Variants in MMADHC observed in about 807,000 individuals in gnomAD.
The protein encoded by MMADHC is metabolism of cobalamin associated D, also known as cobalamin trafficking protein CblD.
A neutral mutation model predicts 36.3 loss-of-function variants in MMADHC; 23 were observed. The ratio of observed to expected loss-of-function variants is 0.63; its 90% CI spans 0.46 to 0.90. The LOEUF (loss-of-function observed/expected upper bound fraction) is 0.90. MMADHC is among the 40% of genes least tolerant of loss of function. The pLI, the probability that MMADHC is intolerant of heterozygous loss-of-function variation, is 0.00. For missense variants in MMADHC, 330 were observed against 348.0 expected (o/e 0.95, Z 0.41); for synonymous variants, 97 against 116.1 (o/e 0.84, Z 1.06).
In MMADHC at chr2:149,576,491, C is replaced by T; in HGVS notation, c.424G>A (p.Glu142Lys). The change falls in exon 5 of 8, where the codon GAA becomes AAA. Residue 142 changes from glutamate to lysine, a missense_variant. Transcript: ENST00000303319. ...QEINSAETYFESARVECAIQT... is the reference protein window; with the variant it reads ...QEINSAETYFKSARVECAIQT... Reference sequence around the variant, plus strand: ...ATTGCACACTCTACTCTGGCACTTTCAAAGTAAGTTTCTGCACTGTTAATT... The same window carrying T: ...ATTGCACACTCTACTCTGGCACTTTTAAAGTAAGTTTCTGCACTGTTAATT... The T allele has an allele frequency of 1.2e-6, 2 of 1,613,760 alleles. No homozygotes were observed. Among genetic ancestry groups the T allele is most frequent in the Non-Finnish European group, 1.7e-6 (2 of 1,179,740 alleles).
intron 2 of MMADHC, 110 bp downstream of exon 2, chr2:149,586,979 T>C (rs1019301805): frequency 9.7e-6 from 11 of 1,130,918 alleles, no homozygotes; most frequent in Non-Finnish European, 1.5e-5. Context: ...TTTTGATACA[T>C]TATATCTAAC....
At chr2:149,580,596 T>C (rs1457349092) in intron 3 of MMADHC, among the ~76,000 whole-genome samples, 1 of 152,206 alleles carries the variant, frequency 6.6e-6, no homozygotes, top group Admixed American at 6.5e-5. Context: ...CTGCTATGCA[T>C]ATTACTTAGC....
intron 2 of MMADHC, among the ~76,000 whole-genome samples, chr2:149,586,124 T>A: frequency 6.6e-6 from 1 of 152,202 alleles, no homozygotes; most frequent in Non-Finnish European, 1.5e-5. Flanking sequence ...TAATATACCA[T>A]GTTCAATTAC....
At chr2:149,586,395 C>A (rs768397091) in intron 2 of MMADHC, among the ~76,000 whole-genome samples, 2 of 152,126 alleles carry the variant, frequency 1.3e-5, no homozygotes, top group East Asian at 1.9e-4. Flanking sequence ...AATATACCTT[C>A]CTGTCCTTCC....
At chr2:149,578,671 G>A (rs1406360828) in intron 4 of MMADHC, among the ~76,000 whole-genome samples, 1 of 152,116 alleles carries the variant, frequency 6.6e-6, no homozygotes, top group Non-Finnish European at 1.5e-5. Context: ...AGAAGGCTGA[G>A]AAGGAATTAT....
chr2:149,570,513 A>ATATC (rs1375786779), intron 7 of MMADHC, among the ~76,000 whole-genome samples: 35 of 152,342 alleles, frequency 2.3e-4, no homozygotes, highest in African/African-American at 8.4e-4. Flanking sequence ...TTTCTCGATT[A>ATATC]TATCTTATTT....
At chr2:149,582,547 A>G (rs1360363110) in intron 2 of MMADHC, among the ~76,000 whole-genome samples, 1 of 152,242 alleles carries the variant, frequency 6.6e-6, no homozygotes, top group Non-Finnish European at 1.5e-5. Flanking sequence ...GAGAGAATAG[A>G]CATCTAAAAG....
At chr2:149,575,925 T>G in intron 5 of MMADHC, 84 bp from the exon 6 acceptor site, 1 of 1,085,458 alleles carries the variant, frequency 9.2e-7, no homozygotes, top group Non-Finnish European at 1.3e-6. Flanking sequence ...AAGTACTTCT[T>G]TAGAAAAATG....
At chr2:149,573,457 G>C (rs1168145191) in intron 6 of MMADHC, among the ~76,000 whole-genome samples, 1 of 152,132 alleles carries the variant, frequency 6.6e-6, no homozygotes, top group East Asian at 1.9e-4. Context: ...CTGCTTAGCT[G>C]TTTGTAACAC....
At chr2:149,575,601 G>T in intron 6 of MMADHC, 110 bp downstream of exon 6, 2 of 908,128 alleles carry the variant, frequency 2.2e-6, no homozygotes, top group Non-Finnish European at 3.2e-6. Flanking sequence ...ATAATACTTT[G>T]GCAGAAAATG....
rs1285854963 is a variant in MMADHC, at chr2:149,569,856, TA to T, written c.*117del. 1 of 954,348 alleles carries T rather than the reference TA, an allele frequency of 1.0e-6. No individual in the cohort carries two copies. Among genetic ancestry groups the T allele is most frequent in the Admixed American group, 2.6e-5 (1 of 38,180 alleles). The allele number at this position is 954,348 out of a possible 1,614,324, so 59.1% of individuals were successfully genotyped here. A position where few individuals can be genotyped will look rare whatever the true frequency, so the allele number is the denominator to read the frequency against. ...ATCACTTGCCAATGTTGTAAATTCA[TA>T]AATGCTGAAATAAATACTTAGAAAT... On this transcript the variant is annotated 3_prime_UTR_variant, in exon 8 of 8. Coordinates refer to ENST00000303319, the MANE Select transcript of MMADHC (RefSeq NM_015702.3).
chr2:149,575,912 T>C, intron 5 of MMADHC, 71 bp from the exon 6 acceptor site: 1 of 1,192,526 alleles, frequency 8.4e-7, no homozygotes, highest in Non-Finnish European at 1.2e-6. Context: ...TAAAGAAGGA[T>C]AAAAGTACTT....
chr2:149,576,442 C>T lies in MMADHC; in HGVS notation c.473G>A (p.Arg158Gln), dbSNP rs114276563. ...AAGTATAAAGCATGACATACCTTTT[C>T]GCAGCAATTCTGGACATGTCTGTAT... ...CAIQTCPELLRKDFESLFPEV... is the reference protein window; with the variant it reads ...CAIQTCPELLQKDFESLFPEV... Residue 158 changes from arginine to glutamine, a missense_variant, in exon 5 of 8, where the codon CGA becomes CAA. Physicochemically the swap from Arg to Gln is conservative, Grantham distance 43. Coordinates refer to ENST00000303319, the MANE Select transcript of MMADHC (RefSeq NM_015702.3). The T allele has an allele frequency of 1.1e-3, 1,793 of 1,601,534 alleles. 20 individuals are homozygous for T. The African/African-American group carries it at 0.021, about 19-fold the overall frequency.
At chr2:149,580,099 G>C (rs1354023242) in intron 3 of MMADHC, among the ~76,000 whole-genome samples, 1 of 152,138 alleles carries the variant, frequency 6.6e-6, no homozygotes, top group Non-Finnish European at 1.5e-5. Context: ...GCTCACTGAA[G>C]CCTTGACCTC....
chr2:149,578,491 T>C (rs756746088), intron 4 of MMADHC, among the ~76,000 whole-genome samples: 5 of 152,096 alleles, frequency 3.3e-5, no homozygotes, highest in African/African-American at 4.8e-5. Flanking sequence ...TATAGAAATA[T>C]AGAACTGGAA....
At chr2:149,580,865 T>C (rs1682784266) in intron 3 of MMADHC, among the ~76,000 whole-genome samples, 1 of 152,198 alleles carries the variant, frequency 6.6e-6, no homozygotes, top group African/African-American at 2.4e-5. Flanking sequence ...CTAGTTTAAA[T>C]GCAGATTCTG....
In MMADHC at chr2:149,576,483, G is replaced by C. The variant is rs1478523517; in HGVS notation, c.432C>G (p.Ala144=). The change falls in exon 5 of 8, where the codon GCC becomes GCG. Residue 144 remains alanine (A), a synonymous_variant. Coordinates refer to ENST00000303319, the MANE Select transcript of MMADHC (RefSeq NM_015702.3). ...INSAETYFES[A]RVECAIQTCP... is the part of the protein sequence containing the mutation. ...ATGTCTGTATTGCACACTCTACTCT[G>C]GCACTTTCAAAGTAAGTTTCTGCAC... The C allele has an allele frequency of 3.7e-6, 6 of 1,613,532 alleles. No individual in the cohort carries two copies. The highest frequency in any genetic ancestry group is 5.1e-6 in the Non-Finnish European group (6 of 1,179,624).
In MMADHC at chr2:149,578,031, A is replaced by AAACAAC. The variant is rs369345545; in HGVS notation, c.372+1394_372+1399dup. ...GACTTCATCTCAAAACAAACAAACCAAACAACAACAACAACAACAAAGAAA... is the reference window on the plus strand; with the variant it reads ...GACTTCATCTCAAAACAAACAAACCAAACAACAACAACAACAACAACAACAAAGAAA... On this transcript the variant is annotated intron_variant, in intron 4 of 7. Transcript: ENST00000303319. Among the ~76,000 whole-genome samples, 48 of 152,164 alleles carry AAACAAC rather than the reference A, an allele frequency of 3.2e-4. No individual in the cohort carries two copies. The South Asian group carries it at 4.1e-3, about 13-fold the overall frequency.
intron 4 of MMADHC, among the ~76,000 whole-genome samples, chr2:149,577,886 TGCAC>T (rs1175231936): frequency 1.3e-5 from 2 of 151,692 alleles, no homozygotes; most frequent in Admixed American, 1.3e-4. Flanking sequence ...GGTGTGGTGG[TGCAC>T]GCCTGTAATC....
Sources: gnomAD v4.1 joint callset for allele counts (sites outside exome capture counted in the v4.1 genomes callset) on GRCh38, gnomAD v4.1.1 for gene constraint, MANE v1.5 for transcripts, NCBI Gene and HGNC (gene_info 2026-07-23, HGNC 2026-07-21) for gene names.